Variants in SYNDIG1 observed in about 807,000 individuals in gnomAD.
SYNDIG1 encodes synapse differentiation-inducing gene protein 1.
In SYNDIG1, 9 loss-of-function variants were observed where a neutral mutation model predicts 19.4. That is an observed-to-expected ratio of 0.46 (90% CI 0.28 to 0.81). The LOEUF (loss-of-function observed/expected upper bound fraction) is 0.81. Among genes scored for constraint, SYNDIG1 ranks in the 30% least tolerant of loss-of-function variants. The probability of loss-of-function intolerance (pLI) is 0.12; values close to 1 mark genes in which losing one functional copy is unlikely to be tolerated. For missense variants in SYNDIG1, 311 were observed against 343.3 expected (o/e 0.91, Z 0.74); for synonymous variants, 141 against 145.9 (o/e 0.97, Z 0.24).
At chr20:24,576,401 G>A (rs906490065) in intron 2 of SYNDIG1, among the ~76,000 whole-genome samples, 5 of 152,154 alleles carry the variant, frequency 3.3e-5, no homozygotes, top group Admixed American at 6.5e-5. Context: ...TGATGGTTCC[G>A]AGCTCTAGTT....
chr20:24,489,277 C>CACAGGG (rs201546981), intron 1 of SYNDIG1, among the ~76,000 whole-genome samples: 2,063 of 152,052 alleles, frequency 0.014, 56 homozygotes, highest in African/African-American at 0.047. Flanking sequence ...CACACGTGCT[C>CACAGGG]ACAGGGACAG....
chr20:24,491,445 C>T (rs2056145258), intron 1 of SYNDIG1: 1 of 152,234 alleles, frequency 6.6e-6, no homozygotes, highest in Non-Finnish European at 1.5e-5. Flanking sequence ...ATGCTATTGC[C>T]TTGATGTTAT....
At chr20:24,471,135 C>G (rs1048553851) in intron 1 of SYNDIG1, among the ~76,000 whole-genome samples, 6 of 152,052 alleles carry the variant, frequency 3.9e-5, no homozygotes, top group Non-Finnish European at 4.4e-5. Flanking sequence ...TAGACCTGCG[C>G]CTGTGGGGTG....
At chr20:24,616,865 G>A (rs186736808) in intron 3 of SYNDIG1, among the ~76,000 whole-genome samples, 116 of 152,250 alleles carry the variant, frequency 7.6e-4, no homozygotes, top group Middle Eastern at 3.4e-3. Flanking sequence ...GCAGGGTGCC[G>A]GCACTGGGGA....
At chr20:24,620,620 T>G (rs1384621174) in intron 3 of SYNDIG1, among the ~76,000 whole-genome samples, 1 of 152,238 alleles carries the variant, frequency 6.6e-6, no homozygotes, top group Non-Finnish European at 1.5e-5. Flanking sequence ...TACTGGACTG[T>G]ACTGGTCAAG....
chr20:24,499,450 G>T (rs2056388186), intron 1 of SYNDIG1, among the ~76,000 whole-genome samples: 2 of 152,200 alleles, frequency 1.3e-5, no homozygotes, highest in Non-Finnish European at 2.9e-5. Flanking sequence ...AGTGTGGAAG[G>T]ATAATTAACT....
chr20:24,521,565 T>C (rs1413573519), intron 1 of SYNDIG1, among the ~76,000 whole-genome samples: 1 of 4,942 alleles, frequency 2.0e-4, no homozygotes, highest in African/African-American at 2.9e-3. Flanking sequence ...TATTTTCATA[T>C]GGTTATTCTG....
At chr20:24,626,703 A>T (rs1005133054) in intron 3 of SYNDIG1, among the ~76,000 whole-genome samples, 5 of 152,236 alleles carry the variant, frequency 3.3e-5, no homozygotes, top group African/African-American at 1.2e-4. Flanking sequence ...CAATCTCGGC[A>T]CTTTGGGGGG....
intron 3 of SYNDIG1, among the ~76,000 whole-genome samples, chr20:24,663,925 C>A (rs890530674): frequency 1.3e-5 from 2 of 152,130 alleles, no homozygotes; most frequent in East Asian, 3.9e-4. Context: ...TGTGGGAGCA[C>A]TGCTGCATGA....
At position 24,599,152 on chromosome 20, in the gene SYNDIG1, C is replaced by T. The variant is rs115364733; in HGVS notation, c.618+14159C>T. 2.6e-5 allele frequency among the ~76,000 whole-genome samples: 4 copies of T among 152,198 alleles called. No homozygotes were observed. The South Asian group carries it at 8.3e-4, about 32-fold the overall frequency. On this transcript the variant is annotated intron_variant, in intron 3 of 3. Coordinates refer to ENST00000376862, the MANE Select transcript of SYNDIG1 (RefSeq NM_024893.3). ...TCAAACAACAGGAAAAAAACCTACA[C>T]ATAATCCCATTAAAAAGTGGGCAAA...
chr20:24,552,499 T>C (rs2146805223), intron 2 of SYNDIG1, among the ~76,000 whole-genome samples: 1 of 152,116 alleles, frequency 6.6e-6, no homozygotes. Flanking sequence ...GATGTTCCCC[T>C]TCCTGTGTCC....
intron 3 of SYNDIG1, among the ~76,000 whole-genome samples, chr20:24,643,421 G>A (rs556887282): frequency 9.9e-5 from 15 of 152,074 alleles, no homozygotes; most frequent in Non-Finnish European, 2.2e-4. Flanking sequence ...TTCATGAGAA[G>A]TAACTTTATC....
chr20:24,473,931 A>G (rs1186491443), intron 1 of SYNDIG1, among the ~76,000 whole-genome samples: 1 of 152,206 alleles, frequency 6.6e-6, no homozygotes, highest in Non-Finnish European at 1.5e-5. Flanking sequence ...AGATCATTCA[A>G]CTAGCAAGCA....
At chr20:24,661,440 A>AAGAGGGAGGGAAAGGGGAGGAAGGAG (rs2059590811) in intron 3 of SYNDIG1, among the ~76,000 whole-genome samples, 7 of 6,652 alleles carry the variant, frequency 1.1e-3, no homozygotes, top group Non-Finnish European at 1.6e-3. Context: ...GGAGGAAGGA[A>AAGAGGGAGGGAAAGGGGAGGAAGGAG]GGAGGAAAGA....
At chr20:24,506,390 C>G (rs2056591948) in intron 1 of SYNDIG1, among the ~76,000 whole-genome samples, 1 of 152,226 alleles carries the variant, frequency 6.6e-6, no homozygotes, top group African/African-American at 2.4e-5. Context: ...GGAAACCACT[C>G]CAGGTTTAGG....
At chr20:24,562,709 T>G (rs1374084070) in intron 2 of SYNDIG1, among the ~76,000 whole-genome samples, 1 of 152,208 alleles carries the variant, frequency 6.6e-6, no homozygotes, top group Non-Finnish European at 1.5e-5. Flanking sequence ...ATCTTTTTAA[T>G]TTTTCAGACT....
At chr20:24,650,267 G>A (rs2147365437) in intron 3 of SYNDIG1, among the ~76,000 whole-genome samples, 1 of 152,334 alleles carries the variant, frequency 6.6e-6, no homozygotes, top group African/African-American at 2.4e-5. Flanking sequence ...CAGCTAGAAA[G>A]CAGCGTTTGT....
intron 1 of SYNDIG1, among the ~76,000 whole-genome samples, chr20:24,529,353 A>ATGGTGG (rs760336306): frequency 7.2e-5 from 11 of 151,834 alleles, no homozygotes; most frequent in Non-Finnish European, 1.3e-4. Context: ...TCTGGTAGTG[A>ATGGTGG]TGGTGGTGGT....
intron 3 of SYNDIG1, among the ~76,000 whole-genome samples, chr20:24,621,040 A>T (rs1209202449): frequency 6.6e-6 from 1 of 152,230 alleles, no homozygotes; most frequent in Non-Finnish European, 1.5e-5. Flanking sequence ...AATCTTGTGA[A>T]TCTTCAGTGG....
Sources: allele counts gnomAD v4.1 joint callset (sites outside exome capture counted in the v4.1 genomes callset), GRCh38; gene constraint gnomAD v4.1.1; transcripts MANE v1.5; gene names NCBI Gene and HGNC (gene_info 2026-07-23, HGNC 2026-07-21).